The following MSI2 variants were observed in gnomAD, a reference collection of about 807,000 sequenced individuals.
The protein encoded by MSI2 is RNA-binding protein Musashi homolog 2.
A neutral mutation model predicts 45.6 loss-of-function variants in MSI2; 17 were observed. The ratio of observed to expected loss-of-function variants is 0.37; its 90% CI spans 0.26 to 0.56. The LOEUF is 0.56. MSI2 is among the 20% of genes least tolerant of loss of function. The pLI, the probability that MSI2 is intolerant of heterozygous loss-of-function variation, is 0.77. For missense variants in MSI2, 293 were observed against 444.2 expected (o/e 0.66, Z 3.06); for synonymous variants, 156 against 158.2 (o/e 0.99, Z 0.11).
At chr17:57,633,584 A>C (rs1909599907) in intron 10 of MSI2, among the ~76,000 whole-genome samples, 1 of 152,178 alleles carries the variant, frequency 6.6e-6, no homozygotes, top group Admixed American at 6.5e-5. Flanking sequence ...CTGACTCCCC[A>C]GAGCACTGCA....
At chr17:57,489,831 A>C (rs1195237760) in intron 6 of MSI2, among the ~76,000 whole-genome samples, 1 of 152,206 alleles carries the variant, frequency 6.6e-6, no homozygotes, top group Non-Finnish European at 1.5e-5. Flanking sequence ...GAAAAGCAAC[A>C]AAGTGGGTTA....
intron 5 of MSI2, among the ~76,000 whole-genome samples, chr17:57,324,660 G>T (rs1913636872): frequency 6.6e-6 from 1 of 152,180 alleles, no homozygotes; most frequent in South Asian, 2.1e-4. Flanking sequence ...TCAGAGATGG[G>T]TGGCTGTAGA....
chr17:57,400,326 T>C (rs1386581471), intron 5 of MSI2, among the ~76,000 whole-genome samples: 3 of 152,084 alleles, frequency 2.0e-5, no homozygotes, highest in African/African-American at 7.2e-5. Context: ...TTTTTCTTGA[T>C]TTTTGGCTCC....
intron 6 of MSI2, among the ~76,000 whole-genome samples, chr17:57,505,777 G>A (rs998812142): frequency 2.0e-5 from 3 of 152,138 alleles, no homozygotes; most frequent in Non-Finnish European, 2.9e-5. Context: ...TGTAAGTCAG[G>A]GTGGAGTCGG....
the MSI2 span, among the ~76,000 whole-genome samples, chr17:57,690,152 T>G: frequency 1.3e-3 from 3 of 2,372 alleles, no homozygotes; most frequent in South Asian, 6.2e-3. Context: ...TTGTTCAGTT[T>G]TTTTTTTTTT....
chr17:57,506,767 C>G (rs887651263), intron 6 of MSI2, among the ~76,000 whole-genome samples: 1 of 152,238 alleles, frequency 6.6e-6, no homozygotes, highest in Admixed American at 6.5e-5. Context: ...GAAGGGCAAA[C>G]CTTCCTGTGT....
chr17:57,595,423 G>A (rs543811362), intron 7 of MSI2, among the ~76,000 whole-genome samples: 54 of 152,018 alleles, frequency 3.6e-4, no homozygotes, highest in Admixed American at 7.2e-4. Flanking sequence ...TAGCTGGGGC[G>A]GCTATAATGA....
Position 57,677,004 on chromosome 17 carries a change from G to C in MSI2, c.963G>C (p.Thr321=), listed in dbSNP as rs757864886. The C allele has an allele frequency of 6.2e-7, 1 of 1,613,186 alleles. No individual in the cohort carries two copies. Among genetic ancestry groups the C allele is most frequent in the South Asian group, 1.1e-5 (1 of 91,062 alleles). The change falls in exon 13 of 14, where the codon ACG becomes ACC. Residue 321 remains threonine (T), a synonymous_variant. Coordinates refer to ENST00000284073, the MANE Select transcript of MSI2 (RefSeq NM_138962.4). ...GHGIAGPLIA[T]AFTNGYH is the part of the protein sequence containing the mutation. Reference sequence around the variant, plus strand: ...AATTTTAGGGACCTTTGATTGCAACGGCCTTTACAAATGGATACCATTGAG... The same window carrying C: ...AATTTTAGGGACCTTTGATTGCAACCGCCTTTACAAATGGATACCATTGAG...
intron 7 of MSI2, among the ~76,000 whole-genome samples, chr17:57,578,644 CAA>C (rs1429704894): frequency 6.6e-6 from 1 of 152,106 alleles, no homozygotes; most frequent in Non-Finnish European, 1.5e-5. Flanking sequence ...GGAGTAAAAA[CAA>C]GAGAGACTCC....
At chr17:57,390,928 T>G (rs1666878429) in intron 5 of MSI2, among the ~76,000 whole-genome samples, 1 of 152,194 alleles carries the variant, frequency 6.6e-6, no homozygotes, top group Admixed American at 6.5e-5. Flanking sequence ...AATGTCATAG[T>G]GAAGGACTCA....
chr17:57,498,680 T>C (rs913238013), intron 6 of MSI2, among the ~76,000 whole-genome samples: 2 of 152,324 alleles, frequency 1.3e-5, no homozygotes, highest in South Asian at 2.1e-4. Context: ...TGAGGATCGT[T>C]GGGTAGAATT....
chr17:57,328,206 T>TCATCCATC (rs749196401), intron 5 of MSI2, among the ~76,000 whole-genome samples: 1 of 152,110 alleles, frequency 6.6e-6, no homozygotes, highest in Non-Finnish European at 1.5e-5. Flanking sequence ...GTCCTTCTGT[T>TCATCCATC]CATCCATCCA....
rs1368731829 is a variant in MSI2, at chr17:57,677,049, C to G, written c.*21C>G. ...ATTGAGCAGGTGCTTTCGTTGCCATCTCACTCTGAGGTATTACCGTCTCTG... is the reference window on the plus strand; with the variant it reads ...ATTGAGCAGGTGCTTTCGTTGCCATGTCACTCTGAGGTATTACCGTCTCTG... On this transcript the variant is annotated 3_prime_UTR_variant, in exon 13 of 14. Coordinates refer to ENST00000284073, the MANE Select transcript of MSI2 (RefSeq NM_138962.4). 8 of 1,612,242 alleles carry G rather than the reference C, an allele frequency of 5.0e-6. No homozygotes were observed.
intron 5 of MSI2, among the ~76,000 whole-genome samples, chr17:57,391,866 T>C (rs1381657944): frequency 6.6e-6 from 1 of 152,270 alleles, no homozygotes; most frequent in Non-Finnish European, 1.5e-5. Flanking sequence ...TACTTAATTT[T>C]GCTTAATACC....
At chr17:57,496,029 G>A (rs1256788356) in intron 6 of MSI2, among the ~76,000 whole-genome samples, 1 of 152,186 alleles carries the variant, frequency 6.6e-6, no homozygotes, top group East Asian at 1.9e-4. Context: ...AATGATACTA[G>A]AATCTGTGTT....
intron 6 of MSI2, among the ~76,000 whole-genome samples, chr17:57,463,332 A>G (rs978303731): frequency 6.6e-6 from 1 of 152,110 alleles, no homozygotes; most frequent in African/African-American, 2.4e-5. Flanking sequence ...AAATGACTTG[A>G]AAAAAATTTG....
intron 5 of MSI2, among the ~76,000 whole-genome samples, chr17:57,273,765 A>G (rs1908610809): frequency 6.6e-6 from 1 of 152,244 alleles, no homozygotes; most frequent in African/African-American, 2.4e-5. Context: ...GGATTAGAGT[A>G]GAAGGTGCCG....
chr17:57,626,898 T>A (rs999845216), intron 9 of MSI2: 1 of 398,230 alleles, frequency 2.5e-6, no homozygotes, highest in Non-Finnish European at 4.6e-6. Context: ...GTAAAGTACA[T>A]GCAGGGTAAG....
At chr17:57,345,561 T>G (rs1332642862) in intron 5 of MSI2, among the ~76,000 whole-genome samples, 1 of 152,194 alleles carries the variant, frequency 6.6e-6, no homozygotes, top group Non-Finnish European at 1.5e-5. Flanking sequence ...CTGGATGTGG[T>G]GGCTCTCGCC....
Sources: allele counts gnomAD v4.1 joint callset (sites outside exome capture counted in the v4.1 genomes callset), GRCh38; gene constraint gnomAD v4.1.1; transcripts MANE v1.5; gene names NCBI Gene and HGNC (gene_info 2026-07-23, HGNC 2026-07-21).